Variants in VWF observed in about 807,000 individuals in gnomAD.
VWF encodes von Willebrand factor.
In VWF, 176 loss-of-function variants were observed where a neutral mutation model predicts 308.6. The ratio of observed to expected loss-of-function variants is 0.57; its 90% confidence interval spans 0.50 to 0.65. The LOEUF (loss-of-function observed/expected upper bound fraction) is 0.65, where lower values mean the gene tolerates loss of function less well. VWF is among the 30% of genes least tolerant of loss of function. The probability of loss-of-function intolerance (pLI) is 0.00; values close to 1 mark genes in which losing one functional copy is unlikely to be tolerated. For synonymous variants in VWF, 1,385 were observed against 1,443.4 expected, an observed-to-expected ratio of 0.96 and a Z score of 0.92; for missense variants, 3,146 against 3,648.2, an observed-to-expected ratio of 0.86 and a Z score of 3.55.
Position 6,075,235 on chromosome 12 carries a change from C to T in VWF, c.874+100G>A. ...CACTGGCTGGCTGGGTGTGGTAAAG[C>T]CGCACATACGTGACACAGCCCCGAA... On this transcript the variant is annotated intron_variant, in intron 7 of 51. Coordinates refer to ENST00000261405, the MANE Select transcript of VWF (RefSeq NM_000552.5). The surrounding 1 kb of genome is among the most constrained non-coding windows in gnomAD (Gnocchi z 4.7). 1 of 1,470,520 alleles carries T rather than the reference C, an allele frequency of 6.8e-7. No individual in the cohort carries two copies. Among genetic ancestry groups the T allele is most frequent in the South Asian group, 1.2e-5 (1 of 85,870 alleles). 91.1% of individuals were successfully genotyped at this position (1,470,520 alleles called of 1,614,324 possible).
At chr12:5,980,592 G>A (rs1353855926) in intron 42 of VWF, among the ~76,000 whole-genome samples, 1 of 152,158 alleles carries the variant, frequency 6.6e-6, no homozygotes, top group African/African-American at 2.4e-5. Flanking sequence ...AGGCAGGAGG[G>A]GTGGGCAGGA....
rs775842350 is a variant in VWF, at chr12:6,057,848, C to T, written c.1729+1G>A. Reference sequence around the variant, plus strand: ...CCTGCCTTGCCCCCGGGTTCACATACTCATGCGCGGGTTGAGGGCGCAGGG... The same window carrying T: ...CCTGCCTTGCCCCCGGGTTCACATATTCATGCGCGGGTTGAGGGCGCAGGG... On this transcript the variant is annotated splice_donor_variant, in intron 14 of 51. Coordinates refer to ENST00000261405, the MANE Select transcript of VWF (RefSeq NM_000552.5). LOFTEE classifies it high-confidence loss of function. 1.2e-6 allele frequency: 2 copies of T among 1,605,902 alleles called. No individual in the cohort carries two copies. The highest frequency in any genetic ancestry group is 2.2e-5 in the East Asian group (1 of 44,768).
chr12:6,008,745 G>A (rs1943959410), intron 34 of VWF, among the ~76,000 whole-genome samples: 1 of 152,186 alleles, frequency 6.6e-6, no homozygotes, highest in Non-Finnish European at 1.5e-5. Flanking sequence ...CAGATGACAT[G>A]ATCATATGCA....
intron 50 of VWF, 58 bp from the exon 51 acceptor site, chr12:5,949,941 T>G: frequency 6.5e-7 from 1 of 1,535,154 alleles, no homozygotes; most frequent in Non-Finnish European, 8.9e-7. Flanking sequence ...GAGAACACTC[T>G]TCAGCCCCAG....
At chr12:6,023,221 C>T (rs971435244) in intron 25 of VWF, among the ~76,000 whole-genome samples, 4 of 152,124 alleles carry the variant, frequency 2.6e-5, no homozygotes, top group African/African-American at 9.7e-5. Flanking sequence ...TGTGCCCGGC[C>T]CAGTTTTCTA....
chr12:6,100,186 C>CA (rs531710583), intron 5 of VWF, among the ~76,000 whole-genome samples: 4 of 152,034 alleles, frequency 2.6e-5, no homozygotes, highest in African/African-American at 7.3e-5. Flanking sequence ...ATCAAAACCA[C>CA]ATGAGATACC....
intron 6 of VWF, among the ~76,000 whole-genome samples, chr12:6,076,320 A>T (rs1944844483): frequency 6.6e-6 from 1 of 152,174 alleles, no homozygotes; most frequent in South Asian, 2.1e-4. Context: ...ACATCTCTCC[A>T]TTCTGTATGT....
chr12:6,046,591 TG>T lies in VWF; in HGVS notation c.2281+131del. 1 of 896,714 alleles carries T rather than the reference TG, an allele frequency of 1.1e-6. No homozygotes were observed. The highest frequency in any genetic ancestry group is 1.8e-6 in the Non-Finnish European group (1 of 554,402). 55.5% of individuals were successfully genotyped at this position (896,714 alleles called of 1,614,324 possible). A position where few individuals can be genotyped will look rare whatever the true frequency, so the allele number is the denominator to read the frequency against. ...ACAAACCCAGAAATGAAGGCGATCC[TG>T]GGCGAAGCCAGACCCATGCCTGGGT... On this transcript the variant is annotated intron_variant, in intron 17 of 51. Coordinates refer to ENST00000261405, the MANE Select transcript of VWF (RefSeq NM_000552.5). This position sits in a 1 kb window ranked among gnomAD's most constrained non-coding sequence, Gnocchi z 5.0.
chr12:6,035,938 G>A (rs1262033012), intron 19 of VWF, among the ~76,000 whole-genome samples: 1 of 152,206 alleles, frequency 6.6e-6, no homozygotes, highest in Non-Finnish European at 1.5e-5. Context: ...TTTGTTTCAT[G>A]CACAAACATT....
chr12:6,033,004 A>G (rs1290274422), intron 20 of VWF, among the ~76,000 whole-genome samples: 1 of 136,354 alleles, frequency 7.3e-6, no homozygotes, highest in Non-Finnish European at 1.5e-5. Context: ...ACCCACACAC[A>G]CGCACATGCA....
chr12:6,112,985 A>G (rs1275233520), intron 3 of VWF, among the ~76,000 whole-genome samples: 1 of 152,152 alleles, frequency 6.6e-6, no homozygotes, highest in Non-Finnish European at 1.5e-5. Flanking sequence ...CCACGTAAAT[A>G]ATAAGTCTAT....
Position 6,060,926 on chromosome 12 carries a change from C to T in VWF, c.1533+2028G>A, listed in dbSNP as rs748734995. On this transcript the variant is annotated intron_variant, in intron 13 of 51. Transcript: ENST00000261405. The surrounding 1 kb of genome is among the most constrained non-coding windows in gnomAD (Gnocchi z 5.1). ...TGAGAAAGTGGACTGGCTGGCCGGG[C>T]GTGGTGGCTCATGCCCGTAATCCCA... is the stretch of plus-strand genomic sequence containing the variant. Among the ~76,000 whole-genome samples the T allele has an allele frequency of 3.5e-4, 54 of 152,126 alleles. No homozygotes were observed. The highest frequency in any genetic ancestry group is 5.7e-4 in the Non-Finnish European group (39 of 68,012).
chr12:6,019,389 A>T lies in VWF; in HGVS notation c.4029T>A (p.Ile1343=), dbSNP rs758060480. Residue 1343 remains isoleucine, a synonymous_variant, in exon 28 of 52, where the codon ATT becomes ATA. Transcript: ENST00000261405. This position sits in a 1 kb window ranked among gnomAD's most constrained non-coding sequence, Gnocchi z 5.8. ...TGCCCGCATACTTCACCTGGCTGGC[A>T]ATGCGCCGCAGCTCTGACGGTCGCT... ...DRKRPSELRR[I]ASQVKYAGSQ... is the part of the protein sequence containing the mutation. 25 of 1,613,794 alleles carry T rather than the reference A, an allele frequency of 1.5e-5. No individual in the cohort carries two copies. In the South Asian group the frequency reaches 2.7e-4, roughly 18 times the overall value.
rs760148394 is a variant in VWF, at chr12:5,948,886, A to T, written c.*129T>A. ...CAGTGCACCAGCAGCCTTTTGCAAG[A>T]TAAGAGCTCAGCCTTTATTGTGGGC... On this transcript the variant is annotated 3_prime_UTR_variant, in exon 52 of 52. Coordinates refer to ENST00000261405, the MANE Select transcript of VWF (RefSeq NM_000552.5). The surrounding 1 kb of genome is among the most constrained non-coding windows in gnomAD (Gnocchi z 4.4). 7 of 1,151,038 alleles carry T rather than the reference A, an allele frequency of 6.1e-6. No homozygotes were observed. Among genetic ancestry groups the T allele is most frequent in the Middle Eastern group, 2.8e-4 (1 of 3,598 alleles). 71.3% of individuals were successfully genotyped at this position (1,151,038 alleles called of 1,614,324 possible).
In VWF at chr12:6,066,995, G is replaced by A. The variant is rs575577740; in HGVS notation, c.1157-1722C>T. Among the ~76,000 whole-genome samples the A allele has an allele frequency of 8.5e-5, 13 of 152,306 alleles. No homozygotes were observed. In the South Asian group the frequency reaches 2.5e-3, roughly 29 times the overall value. On this transcript the variant is annotated intron_variant, in intron 10 of 51. Coordinates refer to ENST00000261405, the MANE Select transcript of VWF (RefSeq NM_000552.5). ...CTTCCAGGACAGCATGGGTCAGGAG[G>A]GCACATCCAGCCCAGAGGAAATTAG... is the stretch of plus-strand genomic sequence containing the variant.
intron 44 of VWF, among the ~76,000 whole-genome samples, chr12:5,970,484 G>C (rs1443805048): frequency 6.6e-6 from 1 of 152,156 alleles, no homozygotes; most frequent in Non-Finnish European, 1.5e-5. Flanking sequence ...CCAGGATGGG[G>C]CAGCCCCTGA....
At chr12:5,949,253 G>C in intron 51 of VWF, 50 bp from the exon 52 acceptor site, 1 of 1,591,084 alleles carries the variant, frequency 6.3e-7, no homozygotes, top group Non-Finnish European at 8.6e-7. Flanking sequence ...GGGAAGTCCT[G>C]GCTTAGGCAG....
At chr12:6,108,937 C>T (rs7975429) in intron 5 of VWF, among the ~76,000 whole-genome samples, 74,133 of 148,836 alleles carry the variant, frequency 0.5, 20,736 homozygotes, top group Non-Finnish European at 0.65. Flanking sequence ...GCCGAGATCG[C>T]GCCACTGCAC....
intron 6 of VWF, among the ~76,000 whole-genome samples, chr12:6,092,806 T>C (rs545113659): frequency 2.0e-5 from 3 of 152,144 alleles, no homozygotes; most frequent in African/African-American, 7.2e-5. Flanking sequence ...TTTTAATGCA[T>C]TTAAATGTTA....
Sources: allele counts gnomAD v4.1 joint callset (sites outside exome capture counted in the v4.1 genomes callset), GRCh38; gene constraint gnomAD v4.1.1; non-coding constraint Gnocchi (gnomAD v3.1); transcripts MANE v1.5; gene names NCBI Gene and HGNC (gene_info 2026-07-23, HGNC 2026-07-21).